TSPAN2: variants seen among roughly 807,000 people sequenced by gnomAD.
TSPAN2 encodes the protein tetraspanin 2, also known as tetraspanin-2.
TSPAN2 carries 24 observed loss-of-function variants against 33.3 expected under a neutral mutation model. The observed-to-expected ratio is 0.72, with a 90% confidence interval of 0.52 to 1.01. The LOEUF is 1.01. Ranked by LOEUF, TSPAN2 falls within the 50% of genes least tolerant of loss-of-function variation. The pLI, the probability that TSPAN2 is intolerant of heterozygous loss-of-function variation, is 0.00. For synonymous variants in TSPAN2, 114 were observed against 104.5 expected (o/e 1.09, Z -0.56); for missense variants, 278 against 281.3 (o/e 0.99, Z 0.08).
intron 2 of TSPAN2, among the ~76,000 whole-genome samples, chr1:115,068,924 T>A (rs527559582): frequency 2.0e-4 from 31 of 152,326 alleles, no homozygotes; most frequent in African/African-American, 7.5e-4. Flanking sequence ...CGGACCTGGC[T>A]GTCAGCAAAC....
chr1:115,071,424 T>C (rs1648171094), intron 2 of TSPAN2, among the ~76,000 whole-genome samples: 1 of 152,194 alleles, frequency 6.6e-6, no homozygotes, highest in Admixed American at 6.5e-5. Flanking sequence ...GGGAGATGTC[T>C]AAGGACACTG....
intron 6 of TSPAN2, among the ~76,000 whole-genome samples, chr1:115,054,455 C>A (rs903009077): frequency 7.2e-5 from 11 of 152,172 alleles, no homozygotes; most frequent in African/African-American, 2.7e-4. Context: ...CACAGATCCA[C>A]AAGAGATACC....
intron 2 of TSPAN2, among the ~76,000 whole-genome samples, chr1:115,070,125 C>T (rs1006898057): frequency 3.3e-5 from 5 of 152,026 alleles, no homozygotes; most frequent in African/African-American, 1.2e-4. Context: ...TCTGATGGAG[C>T]GGGGGCCCCT....
intron 3 of TSPAN2, among the ~76,000 whole-genome samples, chr1:115,060,998 T>A (rs534049103): frequency 6.6e-6 from 1 of 152,280 alleles, no homozygotes; most frequent in South Asian, 2.1e-4. Flanking sequence ...CTGGAGATTC[T>A]GTGGTCTGGA....
intron 1 of TSPAN2, among the ~76,000 whole-genome samples, chr1:115,073,650 CT>C (rs113271777): frequency 0.01 from 1,466 of 142,532 alleles, 10 homozygotes; most frequent in African/African-American, 0.03. Context: ...ATAGCCTAGT[CT>C]TTTTTTTTTT....
At position 115,060,526 on chromosome 1, in the gene TSPAN2, G is replaced by A. The variant is rs1253794899; in HGVS notation, c.283C>T (p.Leu95Phe). ...QCVLGSFFTC[L>F]LVIFAAEVTT... ...ACTTCAGCAGCAAATATCACCAGGAGGCAGGTAAAAAACTGTAGAGGAGAG... is the reference window on the plus strand; with the variant it reads ...ACTTCAGCAGCAAATATCACCAGGAAGCAGGTAAAAAACTGTAGAGGAGAG... Residue 95 changes from leucine to phenylalanine, a missense_variant, in exon 4 of 8, where the codon CTC (leucine) becomes TTC (phenylalanine). By Grantham distance (22) the Leu-to-Phe change is conservative. Coordinates refer to ENST00000369516, the MANE Select transcript of TSPAN2 (RefSeq NM_005725.6). The A allele has an allele frequency of 1.9e-6, 3 of 1,613,092 alleles. 1 individual carries two copies. In the South Asian group the frequency reaches 3.3e-5, roughly 18 times the overall value.
At chr1:115,078,479 G>A (rs1376486838) in intron 1 of TSPAN2, among the ~76,000 whole-genome samples, 1 of 152,168 alleles carries the variant, frequency 6.6e-6, no homozygotes, top group East Asian at 1.9e-4. Flanking sequence ...GTGAGGATAT[G>A]TGGGGTTGGG....
chr1:115,053,500 T>C, intron 6 of TSPAN2, 38 bp from the exon 7 acceptor site: 1 of 1,538,670 alleles, frequency 6.5e-7, no homozygotes, highest in Non-Finnish European at 9.0e-7. Context: ...AAAAACTGAT[T>C]GTATGTGTCA....
intron 2 of TSPAN2, 32 bp from the exon 3 acceptor site, chr1:115,062,264 G>A: frequency 6.5e-7 from 1 of 1,542,110 alleles, no homozygotes; most frequent in Non-Finnish European, 8.8e-7. Flanking sequence ...AGACCACTGA[G>A]AGCCAACCGA....
chr1:115,082,399 C>T (rs780981469), intron 1 of TSPAN2, among the ~76,000 whole-genome samples: 2 of 152,164 alleles, frequency 1.3e-5, no homozygotes, highest in African/African-American at 2.4e-5. Flanking sequence ...CTCTTCAATG[C>T]TTCAGACCTC....
intron 1 of TSPAN2, among the ~76,000 whole-genome samples, chr1:115,073,267 G>A (rs2101039963): frequency 6.6e-6 from 1 of 152,326 alleles, no homozygotes; most frequent in African/African-American, 2.4e-5. Flanking sequence ...AGGCTGCCCT[G>A]TGGTTATGGG....
At chr1:115,054,775 T>G (rs1210173922) in intron 6 of TSPAN2, among the ~76,000 whole-genome samples, 1 of 152,022 alleles carries the variant, frequency 6.6e-6, no homozygotes. Context: ...TCACCTAAGG[T>G]CAGGAGATCG....
chr1:115,050,667 A>G (rs1675290558), intron 7 of TSPAN2, 112 bp from the exon 8 acceptor site: 4 of 802,350 alleles, frequency 5.0e-6, no homozygotes, highest in Non-Finnish European at 8.5e-6. Context: ...ATAACCAATA[A>G]TTACCAGTCA....
intron 1 of TSPAN2, among the ~76,000 whole-genome samples, chr1:115,078,073 T>C (rs1372998550): frequency 6.6e-6 from 1 of 152,230 alleles, no homozygotes; most frequent in African/African-American, 2.4e-5. Context: ...GGCCCTCAGA[T>C]GCTCCAGCTA....
intron 1 of TSPAN2, among the ~76,000 whole-genome samples, chr1:115,075,802 A>G (rs1448990408): frequency 2.6e-5 from 4 of 152,186 alleles, no homozygotes; most frequent in Non-Finnish European, 5.9e-5. Flanking sequence ...TCTTGCATTC[A>G]GACATAACAT....
chr1:115,068,376 T>C (rs1005230770), intron 2 of TSPAN2, among the ~76,000 whole-genome samples: 2 of 152,166 alleles, frequency 1.3e-5, no homozygotes, highest in African/African-American at 4.8e-5. Context: ...CCTTACAAAG[T>C]CTGGCAGTCA....
chr1:115,064,386 A>AT (rs1381256174), intron 2 of TSPAN2, among the ~76,000 whole-genome samples: 5 of 152,184 alleles, frequency 3.3e-5, no homozygotes, highest in African/African-American at 9.7e-5. Context: ...TACTGCCACA[A>AT]TTGCTACATG....
rs1349176349 is a variant in TSPAN2, at chr1:115,050,511, T to G, written c.645A>C (p.Arg215=). 1 of 1,613,950 alleles carries G rather than the reference T, an allele frequency of 6.2e-7. No homozygotes were observed. The highest frequency in any genetic ancestry group is 1.7e-5 in the Admixed American group (1 of 59,970). ...IFSMVLCCAI[R]NSRDVI ...AGCTTCATATCACATCTCGTGAGTT[T>G]CGTATCGCACAGCAGAGGACCATGC... Residue 215 remains arginine (R), a synonymous_variant, in exon 8 of 8, where the codon CGA becomes CGC. Coordinates refer to ENST00000369516, the MANE Select transcript of TSPAN2 (RefSeq NM_005725.6).
At chr1:115,086,537 TC>T (rs1297897435) in intron 1 of TSPAN2, among the ~76,000 whole-genome samples, 2 of 152,164 alleles carry the variant, frequency 1.3e-5, no homozygotes, top group Non-Finnish European at 2.9e-5. Context: ...TTCTCTAAAC[TC>T]CTTACTTAGA....
Sources: allele counts gnomAD v4.1 joint callset (sites outside exome capture counted in the v4.1 genomes callset), GRCh38; gene constraint gnomAD v4.1.1; transcripts MANE v1.5; gene names NCBI Gene and HGNC (gene_info 2026-07-23, HGNC 2026-07-21).